PRKN: variants seen among roughly 807,000 people sequenced by gnomAD.
The protein encoded by PRKN is parkin RBR E3 ubiquitin protein ligase.
PRKN carries 56 observed loss-of-function variants against 59.5 expected under a neutral mutation model. That is an observed-to-expected ratio of 0.94 (90% CI 0.76 to 1.18). The LOEUF is 1.18. PRKN is among the 50% of genes most tolerant of loss of function. PRKN has a pLI of 0.00. For missense variants in PRKN, 657 were observed against 596.4 expected (o/e 1.10, Z -1.06); for synonymous variants, 250 against 222.1 (o/e 1.13, Z -1.12).
At chr6:161,788,818 A>G (rs892128899) in intron 6 of PRKN, among the ~76,000 whole-genome samples, 1 of 152,348 alleles carries the variant, frequency 6.6e-6, no homozygotes, top group South Asian at 2.1e-4. Flanking sequence ...GTCAAAAATG[A>G]TAAATGAGTC....
rs534745066 is a variant in PRKN at position 162,468,239 on chromosome 6, C to T, written c.8-24766G>A. ...CCCTCACTTGGGTGGCATCCCTCGT[C>T]TCACTAATTAGAATGCCTGGCACAG... is the stretch of plus-strand genomic sequence containing the variant. On this transcript the variant is annotated intron_variant, in intron 1 of 11. Coordinates refer to ENST00000366898, the MANE Select transcript of PRKN (RefSeq NM_004562.3). Among the ~76,000 whole-genome samples, 21 of 152,336 alleles carry T rather than the reference C, an allele frequency of 1.4e-4. 1 individual carries two copies. The South Asian group carries it at 4.1e-3, about 30-fold the overall frequency.
intron 7 of PRKN, among the ~76,000 whole-genome samples, chr6:161,638,714 G>A (rs1441771552): frequency 6.7e-6 from 1 of 148,858 alleles, no homozygotes; most frequent in East Asian, 2.0e-4. Context: ...TTTTGTAATA[G>A]TGAGTGAGTT....
At chr6:161,977,760 G>A (rs1215303047) in intron 5 of PRKN, among the ~76,000 whole-genome samples, 1 of 151,330 alleles carries the variant, frequency 6.6e-6, no homozygotes, top group East Asian at 2.0e-4. Context: ...TGTTAGCCAG[G>A]ATGGTCTCAA....
At chr6:162,688,055 C>T (rs1777636352) in intron 1 of PRKN, among the ~76,000 whole-genome samples, 1 of 152,096 alleles carries the variant, frequency 6.6e-6, no homozygotes, top group Admixed American at 6.5e-5. Context: ...TAGAATTATT[C>T]TGCTCACAAT....
intron 6 of PRKN, among the ~76,000 whole-genome samples, chr6:161,971,079 C>T (rs1451198051): frequency 6.6e-6 from 1 of 152,174 alleles, no homozygotes; most frequent in South Asian, 2.1e-4. Flanking sequence ...TGGTTATATA[C>T]ACACACCCTT....
At chr6:162,112,765 C>T (rs1440265999) in intron 4 of PRKN, among the ~76,000 whole-genome samples, 1 of 151,694 alleles carries the variant, frequency 6.6e-6, no homozygotes, top group African/African-American at 2.4e-5. Flanking sequence ...ATAGTGAGAC[C>T]CCCATCTTTA....
intron 7 of PRKN, among the ~76,000 whole-genome samples, chr6:161,688,309 T>C (rs889689417): frequency 6.6e-6 from 1 of 152,140 alleles, no homozygotes; most frequent in African/African-American, 2.4e-5. Context: ...AGTGGCAGCA[T>C]AGTGACTTTC....
chr6:161,682,992 C>T (rs1165981296), intron 7 of PRKN, among the ~76,000 whole-genome samples: 2 of 152,166 alleles, frequency 1.3e-5, no homozygotes, highest in African/African-American at 2.4e-5. Flanking sequence ...TTCTGCCTGG[C>T]GGTGGTGAGG....
intron 2 of PRKN, among the ~76,000 whole-genome samples, chr6:162,384,585 T>C (rs1786681592): frequency 6.6e-6 from 1 of 151,068 alleles, no homozygotes; most frequent in Non-Finnish European, 1.5e-5. Context: ...GCACATGTTG[T>C]TGGAAAGATG....
chr6:162,302,642 A>C (rs1782010865), intron 2 of PRKN, among the ~76,000 whole-genome samples: 1 of 151,898 alleles, frequency 6.6e-6, no homozygotes, highest in Admixed American at 6.6e-5. Flanking sequence ...TCCTAATGAG[A>C]TTTCAGTCCT....
chr6:162,315,499 A>G lies in PRKN; in HGVS notation c.172-52734T>C, dbSNP rs185687742. Among the ~76,000 whole-genome samples the G allele has an allele frequency of 3.8e-3, 571 of 152,262 alleles. 5 individuals carry two copies. Among genetic ancestry groups the G allele is most frequent in the African/African-American group, 0.013 (539 of 41,570 alleles). ...ATACAAAGCACTCAGTGAAATTTGC[A>G]TTTCAAATTTGTTGTTCATCTGCAA... On this transcript the variant is annotated intron_variant, in intron 2 of 11. Coordinates refer to ENST00000366898, the MANE Select transcript of PRKN (RefSeq NM_004562.3).
intron 1 of PRKN, among the ~76,000 whole-genome samples, chr6:162,679,074 C>A (rs1038285389): frequency 4.5e-4 from 62 of 138,186 alleles, no homozygotes; most frequent in Non-Finnish European, 7.7e-4. Context: ...TGTGCCTGGC[C>A]TTTATTTATT....
chr6:161,615,118 T>C (rs1269741272), intron 7 of PRKN, among the ~76,000 whole-genome samples: 1 of 152,212 alleles, frequency 6.6e-6, no homozygotes, highest in Non-Finnish European at 1.5e-5. Context: ...TTACTTTTAA[T>C]AGCAAAAACT....
chr6:162,039,182 CTGTT>C (rs1783966976), intron 5 of PRKN, among the ~76,000 whole-genome samples: 1 of 151,816 alleles, frequency 6.6e-6, no homozygotes, highest in Admixed American at 6.6e-5. Context: ...GTGCTTGCTA[CTGTT>C]TGTCTGACAC....
chr6:162,094,205 G>A (rs1279058964), intron 4 of PRKN, among the ~76,000 whole-genome samples: 2 of 152,146 alleles, frequency 1.3e-5, no homozygotes, highest in Non-Finnish European at 2.9e-5. Flanking sequence ...AAGTTGGAAA[G>A]GTGGCTGGGT....
At chr6:162,036,751 A>G (rs2851402) in intron 5 of PRKN, among the ~76,000 whole-genome samples, 90,381 of 151,924 alleles carry the variant, frequency 0.59, 27,748 homozygotes, top group East Asian at 0.76. Context: ...CATATTTTCA[A>G]CATGTATGAC....
At chr6:162,520,580 ATAT>A (rs1304065937) in intron 1 of PRKN, among the ~76,000 whole-genome samples, 1 of 152,168 alleles carries the variant, frequency 6.6e-6, no homozygotes, top group African/African-American at 2.4e-5. Flanking sequence ...CTCTTGCCAA[ATAT>A]TATTACAAAC....
At chr6:162,558,787 TA>T (rs1779717439) in intron 1 of PRKN, among the ~76,000 whole-genome samples, 1 of 151,776 alleles carries the variant, frequency 6.6e-6, no homozygotes, top group South Asian at 2.1e-4. Context: ...GTGCCACAGG[TA>T]TGTGCCACAC....
chr6:161,512,517 C>T (rs1005567359), intron 9 of PRKN, among the ~76,000 whole-genome samples: 1 of 152,186 alleles, frequency 6.6e-6, no homozygotes, highest in African/African-American at 2.4e-5. Context: ...AACAACTGCT[C>T]ATTTCTCACG....
Sources: gnomAD v4.1 joint callset for allele counts (sites outside exome capture counted in the v4.1 genomes callset) on GRCh38, gnomAD v4.1.1 for gene constraint, MANE v1.5 for transcripts, NCBI Gene and HGNC (gene_info 2026-07-23, HGNC 2026-07-21) for gene names.